Variants in VTA1 observed in about 807,000 individuals in gnomAD.
VTA1 encodes the protein vesicle trafficking 1.
Under a neutral mutation model 36.9 loss-of-function variants are expected in VTA1, and 24 were observed. The ratio of observed to expected loss-of-function variants is 0.65; its 90% CI spans 0.47 to 0.91. The LOEUF (loss-of-function observed/expected upper bound fraction) is 0.91. VTA1 is among the 40% of genes least tolerant of loss of function. The pLI is 0.00. For missense variants in VTA1, 393 were observed against 377.2 expected (o/e 1.04, Z -0.35); for synonymous variants, 142 against 130.2 (o/e 1.09, Z -0.62).
At chr6:142,204,316 G>A (rs187371189) in intron 7 of VTA1, among the ~76,000 whole-genome samples, 88 of 151,970 alleles carry the variant, frequency 5.8e-4, no homozygotes, top group African/African-American at 1.4e-3. Context: ...ATGCACTACC[G>A]GATATTGAAG....
intron 1 of VTA1, among the ~76,000 whole-genome samples, chr6:142,153,064 A>C (rs1778597549): frequency 6.6e-6 from 1 of 152,114 alleles, no homozygotes; most frequent in Admixed American, 6.5e-5. Context: ...TATAATATAA[A>C]CATCTGTTTA....
intron 1 of VTA1, among the ~76,000 whole-genome samples, chr6:142,148,832 AGTATTCTCC>A: frequency 6.6e-6 from 1 of 152,286 alleles, no homozygotes; most frequent in Admixed American, 6.5e-5. Flanking sequence ...TCTGGGAAAG[AGTATTCTCC>A]ATAGAGGTTA....
At chr6:142,153,379 AAATAGAATGGAAAC>A (rs1200263055) in intron 1 of VTA1, among the ~76,000 whole-genome samples, 1 of 151,948 alleles carries the variant, frequency 6.6e-6, no homozygotes, top group Non-Finnish European at 1.5e-5. Context: ...ATCAATGACA[AAATAGAATGGAAAC>A]AATCCTAGTA....
chr6:142,199,859 T>G (rs1291368927), intron 6 of VTA1, among the ~76,000 whole-genome samples: 1 of 152,158 alleles, frequency 6.6e-6, no homozygotes, highest in Non-Finnish European at 1.5e-5. Flanking sequence ...TGCATTTGTT[T>G]TGGAAGTAAA....
chr6:142,159,441 A>G (rs1267445778), intron 1 of VTA1, among the ~76,000 whole-genome samples: 1 of 150,524 alleles, frequency 6.6e-6, no homozygotes, highest in East Asian at 1.9e-4. Context: ...TTTGGTGTCT[A>G]TACTATTAAT....
intron 4 of VTA1, 111 bp from the exon 5 acceptor site, chr6:142,189,315 T>TA (rs1253703576): frequency 8.5e-6 from 7 of 824,788 alleles, no homozygotes; most frequent in African/African-American, 1.7e-5. Context: ...TTTAGAGCTG[T>TA]AATCTGCAAA....
At chr6:142,166,206 A>G in intron 1 of VTA1, 22 bp from the exon 2 acceptor site, 1 of 1,539,222 alleles carries the variant, frequency 6.5e-7, no homozygotes, top group Non-Finnish European at 8.9e-7. Flanking sequence ...AATTGTTCAA[A>G]TTATCTTACT....
chr6:142,147,298 T>C lies in VTA1; in HGVS notation c.11T>C (p.Leu4Pro), dbSNP rs146934142. 4.3e-6 allele frequency: 7 copies of C among 1,614,038 alleles called. No homozygotes were observed. In the African/African-American group the frequency reaches 8.0e-5, roughly 18 times the overall value. MAA[L>P]APLPPLPAQF... Reference sequence around the variant, plus strand: ...GAGTTCGGAGTAGAGATGGCCGCGCTTGCACCGCTGCCCCCGCTCCCCGCA... The same window carrying C: ...GAGTTCGGAGTAGAGATGGCCGCGCCTGCACCGCTGCCCCCGCTCCCCGCA... Residue 4 changes from leucine to proline, a missense_variant, in exon 1 of 8, where the codon CTT (leucine) becomes CCT (proline). Coordinates refer to ENST00000367630, the MANE Select transcript of VTA1 (RefSeq NM_016485.5).
At chr6:142,173,546 TC>T (rs1233328004) in intron 4 of VTA1, among the ~76,000 whole-genome samples, 1 of 152,202 alleles carries the variant, frequency 6.6e-6, no homozygotes, top group Non-Finnish European at 1.5e-5. Flanking sequence ...GAAGCTACCT[TC>T]CCCTATGTAT....
rs553023115 is a variant in VTA1, at chr6:142,159,734, C to T, written c.113-6494C>T. Reference sequence around the variant, plus strand: ...TTCACCGTGTTGGCCAGGATGGTCTCGATCTCCTGATCTCATGATCCACCC... The same window carrying T: ...TTCACCGTGTTGGCCAGGATGGTCTTGATCTCCTGATCTCATGATCCACCC... On this transcript the variant is annotated intron_variant, in intron 1 of 7. Transcript: ENST00000367630. Among the ~76,000 whole-genome samples, 539 of 151,760 alleles carry T rather than the reference C, an allele frequency of 3.6e-3. 1 individual carries two copies. Among genetic ancestry groups the T allele is most frequent in the African/African-American group, 0.013 (519 of 41,426 alleles).
At chr6:142,158,645 G>A (rs1051820272) in intron 1 of VTA1, among the ~76,000 whole-genome samples, 1 of 152,118 alleles carries the variant, frequency 6.6e-6, no homozygotes, top group Non-Finnish European at 1.5e-5. Context: ...TAATGAGTAT[G>A]TTTGGGTTTA....
intron 4 of VTA1, among the ~76,000 whole-genome samples, chr6:142,177,895 T>G (rs1213472335): frequency 6.6e-6 from 1 of 152,210 alleles, no homozygotes; most frequent in Non-Finnish European, 1.5e-5. Context: ...GGCTTATATA[T>G]TTACTTTGTA....
At chr6:142,207,478 C>T (rs1162369301) in intron 7 of VTA1, among the ~76,000 whole-genome samples, 2 of 152,014 alleles carry the variant, frequency 1.3e-5, no homozygotes, top group African/African-American at 4.8e-5. Context: ...AGGTACATTT[C>T]CCAGGTCCTG....
chr6:142,176,448 A>T (rs1775126738), intron 4 of VTA1, among the ~76,000 whole-genome samples: 1 of 152,192 alleles, frequency 6.6e-6, no homozygotes, highest in Non-Finnish European at 1.5e-5. Context: ...AGTACCTAAC[A>T]TTAGCCTGGC....
rs949530234 is a variant in VTA1, at chr6:142,216,046, C to G, written c.779-2452C>G. 2.0e-5 allele frequency among the ~76,000 whole-genome samples: 3 copies of G among 151,942 alleles called. No individual in the cohort carries two copies. In the South Asian group the frequency reaches 6.2e-4, roughly 32 times the overall value. ...CAGAAGAGAGATATATTAGACAACCCCTCTAATCTTTGAAGCATCTTTAAG... is the reference window on the plus strand; with the variant it reads ...CAGAAGAGAGATATATTAGACAACCGCTCTAATCTTTGAAGCATCTTTAAG... On this transcript the variant is annotated intron_variant, in intron 7 of 7. Coordinates refer to ENST00000367630, the MANE Select transcript of VTA1 (RefSeq NM_016485.5).
In VTA1 at chr6:142,185,031, A is replaced by G. The variant is rs75783839; in HGVS notation, c.412-4395A>G. Reference sequence around the variant, plus strand: ...ATTCTCCAAGTATTTCCTTATTTCTATCTTTGCTTGTACTTTTCCTTCTCT... The same window carrying G: ...ATTCTCCAAGTATTTCCTTATTTCTGTCTTTGCTTGTACTTTTCCTTCTCT... On this transcript the variant is annotated intron_variant, in intron 4 of 7. Coordinates refer to ENST00000367630, the MANE Select transcript of VTA1 (RefSeq NM_016485.5). Among the ~76,000 whole-genome samples the G allele has an allele frequency of 8.6e-3, 1,301 of 152,048 alleles. 29 individuals are homozygous for G. The highest frequency in any genetic ancestry group is 0.03 in the African/African-American group (1,248 of 41,464).
intron 6 of VTA1, among the ~76,000 whole-genome samples, chr6:142,200,023 T>G (rs1375718702): frequency 6.6e-6 from 1 of 151,962 alleles, no homozygotes; most frequent in Non-Finnish European, 1.5e-5. Context: ...TGATCAAGAG[T>G]CCCAGACACA....
chr6:142,208,055 C>T (rs1462324066), intron 7 of VTA1, among the ~76,000 whole-genome samples: 1 of 144,292 alleles, frequency 6.9e-6, no homozygotes, highest in East Asian at 2.1e-4. Flanking sequence ...CCACTGCACT[C>T]TCCAGCCTGG....
chr6:142,178,841 A>G (rs980571765), intron 4 of VTA1, among the ~76,000 whole-genome samples: 4 of 152,100 alleles, frequency 2.6e-5, no homozygotes, highest in South Asian at 2.1e-4. Flanking sequence ...CCTTAACTGT[A>G]TACTGTTTCT....
Sources: gnomAD v4.1 joint callset for allele counts (sites outside exome capture counted in the v4.1 genomes callset) on GRCh38, gnomAD v4.1.1 for gene constraint, MANE v1.5 for transcripts, NCBI Gene and HGNC (gene_info 2026-07-23, HGNC 2026-07-21) for gene names.